The following PCDHGA7 variants were observed in gnomAD, a reference collection of about 807,000 sequenced individuals.
PCDHGA7 encodes protocadherin gamma-A7.
PCDHGA7 carries 44 observed loss-of-function variants against 58.3 expected under a neutral mutation model. The ratio of observed to expected loss-of-function variants is 0.75; its 90% CI spans 0.59 to 0.97. The LOEUF (loss-of-function observed/expected upper bound fraction) is 0.97, where lower values mean the gene tolerates loss of function less well. Ranked by LOEUF, PCDHGA7 falls within the 50% of genes least tolerant of loss-of-function variation. The probability of loss-of-function intolerance (pLI) is 0.00; values close to 1 mark genes in which losing one functional copy is unlikely to be tolerated. For synonymous variants in PCDHGA7, 516 were observed against 504.2 expected (o/e 1.02, Z -0.31); for missense variants, 1,266 against 1,188.7 (o/e 1.06, Z -0.96).
At position 141,486,714 on chromosome 5, in the gene PCDHGA7, CAG is replaced by C; in HGVS notation, c.2425-8092_2425-8091del. ...TCTTTCATCTCTCTGAACCCCCAGA[CAG>C]GAGCTGTTCATGCTACTCGATCCTT... On this transcript the variant is annotated intron_variant, in intron 1 of 3. Coordinates refer to ENST00000518325, the MANE Select transcript of PCDHGA7 (RefSeq NM_018920.4). This position sits in a 1 kb window ranked among gnomAD's most constrained non-coding sequence, Gnocchi z 5.0. 1 of 1,614,216 alleles carries C rather than the reference CAG, an allele frequency of 6.2e-7. No homozygotes were observed. Among genetic ancestry groups the C allele is most frequent in the Non-Finnish European group, 8.5e-7 (1 of 1,180,034 alleles).
chr5:141,389,805 C>G (rs1222548961), intron 1 of PCDHGA7: 1 of 1,613,802 alleles, frequency 6.2e-7, no homozygotes, highest in East Asian at 2.2e-5. Flanking sequence ...CCAGCGCCTT[C>G]TGGTCGCCGT....
intron 1 of PCDHGA7, among the ~76,000 whole-genome samples, chr5:141,406,747 CA>C (rs889749071): frequency 1.2e-4 from 19 of 152,168 alleles, no homozygotes; most frequent in Non-Finnish European, 2.1e-4. Flanking sequence ...TGTGAAATGA[CA>C]AAACAAGGAA....
chr5:141,421,697 A>T (rs750973568), intron 1 of PCDHGA7: 8 of 1,613,924 alleles, frequency 5.0e-6, no homozygotes, highest in Non-Finnish European at 6.8e-6. Context: ...GCTCTTCCTA[A>T]TGCTAGGGAT....
intron 1 of PCDHGA7, among the ~76,000 whole-genome samples, chr5:141,481,913 CAAAAAAAAA>C (rs34114744): frequency 1.1e-5 from 1 of 90,852 alleles, no homozygotes; most frequent in Non-Finnish European, 2.2e-5. Flanking sequence ...AACTCCATCT[CAAAAAAAAA>C]AAAAAAAAAA....
At chr5:141,421,184 C>G (rs2096551183) in intron 1 of PCDHGA7, 1 of 1,457,940 alleles carries the variant, frequency 6.9e-7, no homozygotes, top group African/African-American at 1.4e-5. Context: ...CGATTCACAA[C>G]CAACCAGCTC....
At position 141,490,207 on chromosome 5, in the gene PCDHGA7, C is replaced by G. The variant is rs142098675; in HGVS notation, c.2425-4600C>G. ...TTTCTATGAAATTCATGCAAGAGCC[C>G]GTGACCAGGGACAGCCTGCCATGGA... On this transcript the variant is annotated intron_variant, in intron 1 of 3. Coordinates refer to ENST00000518325, the MANE Select transcript of PCDHGA7 (RefSeq NM_018920.4). This position sits in a 1 kb window ranked among gnomAD's most constrained non-coding sequence, Gnocchi z 5.4. 2.9e-4 allele frequency: 470 copies of G among 1,614,056 alleles called. 1 individual carries two copies. Among genetic ancestry groups the G allele is most frequent in the Non-Finnish European group, 3.7e-4 (439 of 1,180,030 alleles).
Position 141,502,395 on chromosome 5 carries a change from G to A in PCDHGA7, c.2484-2998G>A, listed in dbSNP as rs115188718. The stretch of plus-strand genomic sequence containing the variant: ...GTCCAGGCCAGTTGTACTTTAAAAT[G>A]TCCCCGAACCTGGATTTGCTGGCTA... On this transcript the variant is annotated intron_variant, in intron 2 of 3. Transcript: ENST00000518325. Among the ~76,000 whole-genome samples, 610 of 151,894 alleles carry A rather than the reference G, an allele frequency of 4.0e-3. 3 individuals carry two copies. Among genetic ancestry groups the A allele is most frequent in the African/African-American group, 0.013 (553 of 41,410 alleles).
chr5:141,451,182 C>T (rs2154563496), intron 1 of PCDHGA7, among the ~76,000 whole-genome samples: 1 of 152,226 alleles, frequency 6.6e-6, no homozygotes, highest in Non-Finnish European at 1.5e-5. Flanking sequence ...TTAGCCATTG[C>T]TGTGTAACAA....
At chr5:141,415,462 C>T in intron 1 of PCDHGA7, 1 of 1,614,220 alleles carries the variant, frequency 6.2e-7, no homozygotes. Context: ...CGAGGTCTCT[C>T]TCACCGCGGA....
At chr5:141,393,583 C>A in intron 1 of PCDHGA7, 1 of 1,613,930 alleles carries the variant, frequency 6.2e-7, no homozygotes, top group Non-Finnish European at 8.5e-7. Context: ...AACATGCCCC[C>A]AGGCACGCGG....
intron 1 of PCDHGA7, among the ~76,000 whole-genome samples, chr5:141,464,549 C>T (rs2099086404): frequency 6.6e-6 from 1 of 152,014 alleles, no homozygotes; most frequent in Non-Finnish European, 1.5e-5. Flanking sequence ...TAGCTATTCC[C>T]CATCTTGCAT....
chr5:141,395,813 A>G (rs1201631661), intron 1 of PCDHGA7: 2 of 152,062 alleles, frequency 1.3e-5, no homozygotes, highest in East Asian at 3.9e-4. Context: ...CAAAACATGA[A>G]CAAACTTTAA....
chr5:141,392,766 C>A, intron 1 of PCDHGA7: 1 of 1,489,084 alleles, frequency 6.7e-7, no homozygotes, highest in South Asian at 1.4e-5. Flanking sequence ...AAATAAGACC[C>A]ATTTATGCAC....
chr5:141,406,553 C>T (rs990498102), intron 1 of PCDHGA7, among the ~76,000 whole-genome samples: 1 of 152,150 alleles, frequency 6.6e-6, no homozygotes, highest in African/African-American at 2.4e-5. Flanking sequence ...CTTCAGTTAT[C>T]CACTTCCAAA....
At chr5:141,409,617 C>A (rs2095293168) in intron 1 of PCDHGA7, 1 of 1,613,748 alleles carries the variant, frequency 6.2e-7, no homozygotes, top group South Asian at 1.1e-5. Context: ...GCCTCCATTG[C>A]GCAAGTGAGC....
intron 1 of PCDHGA7, among the ~76,000 whole-genome samples, chr5:141,450,363 T>C (rs2098678373): frequency 6.6e-6 from 1 of 152,162 alleles, no homozygotes; most frequent in Admixed American, 6.5e-5. Flanking sequence ...TTCCTCAGCC[T>C]TGTTTGTTTA....
intron 1 of PCDHGA7, among the ~76,000 whole-genome samples, chr5:141,461,100 T>C (rs926482549): frequency 1.1e-4 from 16 of 152,062 alleles, no homozygotes; most frequent in African/African-American, 3.6e-4. Context: ...TATAAACATA[T>C]GTGTCCAAGT....
intron 2 of PCDHGA7, among the ~76,000 whole-genome samples, chr5:141,496,639 C>A (rs752903356): frequency 6.6e-6 from 1 of 152,222 alleles, no homozygotes; most frequent in Non-Finnish European, 1.5e-5. Flanking sequence ...TTGGGCTGCC[C>A]TTGCCCTTCC....
chr5:141,428,227 A>T (rs2154552643), intron 1 of PCDHGA7: 1 of 1,100,784 alleles, frequency 9.1e-7, no homozygotes, highest in Admixed American at 1.9e-5. Context: ...CTTCGCAGAC[A>T]GCCTGCAGGA....
Sources: allele counts gnomAD v4.1 joint callset (sites outside exome capture counted in the v4.1 genomes callset), GRCh38; gene constraint gnomAD v4.1.1; non-coding constraint Gnocchi (gnomAD v3.1); transcripts MANE v1.5; gene names NCBI Gene and HGNC (gene_info 2026-07-23, HGNC 2026-07-21).